The following WDR44 variants were observed in gnomAD, a reference collection of about 807,000 sequenced individuals.
The protein encoded by WDR44 is WD repeat-containing protein 44.
WDR44 carries 9 observed loss-of-function variants against 65.7 expected under a neutral mutation model. That is an observed-to-expected ratio of 0.14 (90% CI 0.08 to 0.24). The LOEUF is 0.24. Among genes scored for constraint, WDR44 ranks in the 10% least tolerant of loss-of-function variants. WDR44 has a pLI of 1.00. For missense variants in WDR44, 425 were observed against 670.9 expected, an observed-to-expected ratio of 0.63 and a Z score of 4.05; for synonymous variants, 220 against 235.2, an observed-to-expected ratio of 0.94 and a Z score of 0.59.
At chrX:118,347,856 A>G (rs2802607) in intron 1 of WDR44, among the ~76,000 whole-genome samples, 30,333 of 111,623 alleles carry the variant, frequency 0.27, 3,406 homozygotes, top group African/African-American at 0.42. Context: ...TCTTGAGATG[A>G]CACCGAATCT....
At position 118,395,279 on chromosome X, in the gene WDR44, G is replaced by A. The variant is rs760374300; in HGVS notation, c.988G>A (p.Val330Ile). 8 of 1,209,103 alleles carry A rather than the reference G, an allele frequency of 6.6e-6. No homozygotes were observed. In the Admixed American group the frequency reaches 1.1e-4, roughly 17 times the overall value. The part of the protein sequence containing the change: ...ENGKAPDGQT[V>I]AGEVMGPQRP... ...TGGAAAAGCACCTGATGGGCAGACT[G>A]TAGCAGGTGAAGTGATGGGCCCTCA... The change falls in exon 6 of 20, where the codon GTA becomes ATA. Residue 330 changes from valine to isoleucine, a missense_variant. This residue lies in a region of WDR44 where 77 missense variants were observed against 183.5 expected (regional missense o/e 0.42). Transcript: ENST00000254029.
intron 1 of WDR44, among the ~76,000 whole-genome samples, chrX:118,351,773 A>G (rs2056405335): frequency 9.1e-6 from 1 of 110,375 alleles, no homozygotes; most frequent in Non-Finnish European, 1.9e-5. Context: ...AACGTGGTCA[A>G]ACCCCATCTC....
intron 12 of WDR44, among the ~76,000 whole-genome samples, chrX:118,430,067 A>C (rs772003942): frequency 8.9e-6 from 1 of 112,059 alleles, no homozygotes; most frequent in East Asian, 2.7e-4. Context: ...AAATACAGAA[A>C]ATGCTCATGG....
In WDR44 at chrX:118,391,700, G is replaced by A. The variant is rs867503065; in HGVS notation, c.187-932G>A. Among the ~76,000 whole-genome samples, 5 of 112,118 alleles carry A rather than the reference G, an allele frequency of 4.5e-5. No individual in the cohort carries two copies. In the Middle Eastern group the frequency reaches 0.014, roughly 309 times the overall value. ...ATATTTTAAGCTACATATAAGAAAG[G>A]GGGCCAGGCGCAGTGGCTCATGCCT... On this transcript the variant is annotated intron_variant, in intron 3 of 19. Coordinates refer to ENST00000254029, the MANE Select transcript of WDR44 (RefSeq NM_019045.5).
intron 1 of WDR44, among the ~76,000 whole-genome samples, chrX:118,362,632 C>G (rs947935552): frequency 3.6e-5 from 4 of 110,578 alleles, no homozygotes; most frequent in Non-Finnish European, 7.6e-5. Context: ...TAAATAGACA[C>G]GTGCAAATTT....
At position 118,424,339 on chromosome X, in the gene WDR44, A is replaced by ACATATATATATATG. The variant is rs2057137656; in HGVS notation, c.1738-8442_1738-8441insCATATATATATATG. Among the ~76,000 whole-genome samples the ACATATATATATATG allele has an allele frequency of 7.0e-5, 6 of 85,309 alleles. 1 individual carries two copies. Among genetic ancestry groups the ACATATATATATATG allele is most frequent in the African/African-American group, 1.2e-4 (2 of 16,647 alleles). The allele number at this position is 85,309 out of a possible 115,157, so 74.1% of individuals were successfully genotyped here. A position where few individuals can be genotyped will look rare whatever the true frequency, so the allele number is the denominator to read the frequency against. On this transcript the variant is annotated intron_variant, in intron 12 of 19. Coordinates refer to ENST00000254029, the MANE Select transcript of WDR44 (RefSeq NM_019045.5). ...TGTGTGTGTGTATATATATATATAT[A>ACATATATATATATG]TATATATATGTATATATATATAATG... is the stretch of plus-strand genomic sequence containing the variant.
chrX:118,391,978 C>CA (rs1222238070), intron 3 of WDR44, among the ~76,000 whole-genome samples: 1 of 111,211 alleles, frequency 9.0e-6, no homozygotes, highest in Non-Finnish European at 1.9e-5. Context: ...GACTCCATTT[C>CA]AAAAAAGAAA....
chrX:118,353,881 TAGAA>T (rs1452930014), intron 1 of WDR44, among the ~76,000 whole-genome samples: 1 of 112,488 alleles, frequency 8.9e-6, no homozygotes, highest in African/African-American at 3.2e-5. Flanking sequence ...CTATAGGTTG[TAGAA>T]AGAATGTTTG....
chrX:118,404,272 C>G, intron 8 of WDR44, 66 bp from the exon 9 acceptor site: 1 of 802,132 alleles, frequency 1.2e-6, no homozygotes, highest in African/African-American at 2.0e-5. Context: ...ACAGCTGATA[C>G]ATTTGTCTGC....
intron 19 of WDR44, among the ~76,000 whole-genome samples, chrX:118,448,014 A>G (rs1031100528): frequency 9.4e-6 from 1 of 106,679 alleles, no homozygotes; most frequent in African/African-American, 3.4e-5. Context: ...TTTTATATGT[A>G]TGGTGAATTA....
chrX:118,437,194 G>A (rs551458032), intron 14 of WDR44, among the ~76,000 whole-genome samples: 4 of 111,675 alleles, frequency 3.6e-5, no homozygotes, highest in African/African-American at 1.3e-4. Context: ...AAGAGACAGA[G>A]AAAAAGACTG....
chrX:118,403,026 G>T (rs72607627), intron 8 of WDR44, among the ~76,000 whole-genome samples: 1 of 111,581 alleles, frequency 9.0e-6, no homozygotes, highest in South Asian at 3.8e-4. Flanking sequence ...TAACCAAGAA[G>T]ACTACTAAGT....
chrX:118,436,929 A>T (rs2057259433), intron 14 of WDR44, 105 bp downstream of exon 14: 7 of 770,596 alleles, frequency 9.1e-6, no homozygotes, highest in Non-Finnish European at 1.2e-5. Flanking sequence ...ATTAACAGCT[A>T]CATAGTTATG....
rs2056780150 is a variant in WDR44 at position 118,387,338 on chromosome X, A to G, written c.112-2A>G. ...TCTCTATTTCTTTTCTTTTTCAAAC[A>G]GGAAACAGAGAACACTGCATACAAA... On this transcript the variant is annotated splice_acceptor_variant, in intron 2 of 19. Transcript: ENST00000254029. LOFTEE classifies it high-confidence loss of function. The G allele has an allele frequency of 8.5e-7, 1 of 1,174,803 alleles. No homozygotes were observed.
chrX:118,426,242 T>C (rs2057155709), intron 12 of WDR44, among the ~76,000 whole-genome samples: 1 of 111,357 alleles, frequency 9.0e-6, no homozygotes, highest in Non-Finnish European at 1.9e-5. Context: ...TGTCTAGATC[T>C]TGCTTTCAAT....
intron 12 of WDR44, among the ~76,000 whole-genome samples, chrX:118,418,939 G>A (rs1005804952): frequency 2.7e-5 from 3 of 110,594 alleles, no homozygotes; most frequent in African/African-American, 6.6e-5. Context: ...CCTCTGCTGA[G>A]TCATGCAGGT....
chrX:118,443,764 A>G (rs1189161075), intron 18 of WDR44, 77 bp downstream of exon 18: 5 of 1,043,427 alleles, frequency 4.8e-6, no homozygotes, highest in Non-Finnish European at 5.1e-6. Flanking sequence ...TAAATTCATG[A>G]CCGGACACAG....
chrX:118,349,737 A>G (rs1456941672), intron 1 of WDR44, among the ~76,000 whole-genome samples: 1 of 110,139 alleles, frequency 9.1e-6, no homozygotes, highest in Non-Finnish European at 1.9e-5. Flanking sequence ...TTTAGGAGAG[A>G]CGGGGTTTCA....
intron 12 of WDR44, among the ~76,000 whole-genome samples, chrX:118,427,250 GCAAGCACCAC>G (rs1260154307): frequency 1.9e-5 from 2 of 107,545 alleles, no homozygotes; most frequent in Non-Finnish European, 3.8e-5. Context: ...TGTGCTACAG[GCAAGCACCAC>G]CATGCCTGGC....
Sources: gnomAD v4.1 joint callset for allele counts (sites outside exome capture counted in the v4.1 genomes callset) on GRCh38, gnomAD v4.1.1 for gene constraint, gnomAD v4.1.1 regional missense constraint, MANE v1.5 for transcripts, NCBI Gene and HGNC (gene_info 2026-07-23, HGNC 2026-07-21) for gene names.